Variants in TAMM41 observed in about 807,000 individuals in gnomAD.
The protein encoded by TAMM41 is phosphatidate cytidylyltransferase, mitochondrial.
Under a neutral mutation model 44.1 loss-of-function variants are expected in TAMM41, and 36 were observed. That is an observed-to-expected ratio of 0.82 (90% CI 0.63 to 1.08). The LOEUF (loss-of-function observed/expected upper bound fraction) is 1.08. Ranked by LOEUF, TAMM41 falls within the 50% of genes least tolerant of loss-of-function variation. TAMM41 has a pLI of 0.00. For synonymous variants in TAMM41, 164 were observed against 153.1 expected (o/e 1.07, Z -0.53); for missense variants, 417 against 404.3 (o/e 1.03, Z -0.27).
At chr3:11,835,119 T>C (rs1206716690) in intron 3 of TAMM41, among the ~76,000 whole-genome samples, 1 of 152,196 alleles carries the variant, frequency 6.6e-6, no homozygotes, top group Non-Finnish European at 1.5e-5. Flanking sequence ...AGATAAAGAA[T>C]TCATACTCAT....
At chr3:11,768,985 A>G in the TAMM41 span, among the ~76,000 whole-genome samples, 1 of 152,228 alleles carries the variant, frequency 6.6e-6, no homozygotes, top group Non-Finnish European at 1.5e-5. Flanking sequence ...GCCATCAGGC[A>G]CGGCCTGGTC....
the TAMM41 span, among the ~76,000 whole-genome samples, chr3:11,777,851 TAC>T: frequency 0.017 from 2,663 of 152,288 alleles, 76 homozygotes; most frequent in African/African-American, 0.061. Context: ...ACCGCCATCA[TAC>T]AGTTTTAGAA....
intron 3 of TAMM41, among the ~76,000 whole-genome samples, chr3:11,836,217 T>C (rs902280783): frequency 4.6e-5 from 7 of 151,988 alleles, no homozygotes; most frequent in African/African-American, 1.7e-4. Flanking sequence ...TCTCGAACTC[T>C]TGGCCTCAAG....
chr3:11,745,059 C>T, the TAMM41 span, among the ~76,000 whole-genome samples: 1 of 152,142 alleles, frequency 6.6e-6, no homozygotes, highest in South Asian at 2.1e-4. Flanking sequence ...GATGGGGTTG[C>T]ACCATGTTGG....
chr3:11,830,965 C>G (rs2078961858), intron 3 of TAMM41: 1 of 151,890 alleles, frequency 6.6e-6, no homozygotes, highest in African/African-American at 2.4e-5. Context: ...GAGATGTGTT[C>G]AAATGCCAAC....
the TAMM41 span, among the ~76,000 whole-genome samples, chr3:11,736,578 A>T: frequency 6.6e-6 from 1 of 152,188 alleles, no homozygotes; most frequent in Admixed American, 6.5e-5. Context: ...TGAAACAAAA[A>T]TACCAAGGAT....
chr3:11,753,876 C>T, the TAMM41 span, among the ~76,000 whole-genome samples: 190 of 152,152 alleles, frequency 1.2e-3, 1 homozygote, highest in African/African-American at 1.9e-3. Context: ...GGGCAAGGGG[C>T]GAGGAGGCCG....
intron 3 of TAMM41, among the ~76,000 whole-genome samples, chr3:11,838,581 T>C (rs1378094273): frequency 6.6e-6 from 1 of 152,138 alleles, no homozygotes. Context: ...AACCGCCAAA[T>C]GGAAGAAATG....
the TAMM41 span, among the ~76,000 whole-genome samples, chr3:11,781,344 C>CT: frequency 6.6e-6 from 1 of 152,166 alleles, no homozygotes; most frequent in Non-Finnish European, 1.5e-5. Flanking sequence ...TCTTCCTGAT[C>CT]TCAGAAATGC....
chr3:11,736,256 A>G, the TAMM41 span, among the ~76,000 whole-genome samples: 9 of 152,206 alleles, frequency 5.9e-5, no homozygotes, highest in African/African-American at 2.2e-4. Flanking sequence ...TTGCAGCCAC[A>G]TGTGCCCATG....
chr3:11,725,012 G>A, the TAMM41 span: 75,836 of 152,674 alleles, frequency 0.5, 19,236 homozygotes, highest in East Asian at 0.67. Context: ...TCATAGTTCA[G>A]ATTGCTCAGA....
At chr3:11,820,621 G>A (rs547581116) in intron 4 of TAMM41, among the ~76,000 whole-genome samples, 5 of 152,264 alleles carry the variant, frequency 3.3e-5, no homozygotes, top group South Asian at 4.1e-4. Flanking sequence ...AACCGCAGGG[G>A]ATAGGAAGCA....
intron 5 of TAMM41, among the ~76,000 whole-genome samples, chr3:11,814,278 C>T (rs1463902869): frequency 6.6e-6 from 1 of 151,790 alleles, no homozygotes; most frequent in Non-Finnish European, 1.5e-5. Context: ...TAAAAACAGA[C>T]AAGAGGAACT....
the TAMM41 span, among the ~76,000 whole-genome samples, chr3:11,723,596 C>CA: frequency 7.2e-6 from 1 of 138,050 alleles, no homozygotes. Flanking sequence ...AAAAAAAAAA[C>CA]AAAAACAAAA....
rs75084140 is a variant in TAMM41, at chr3:11,812,900, G to T, written c.709-3218C>A. ...TAGATGAGGGTGAAGGGAATCTGGAGGAGTAGCAGAGATGGGAGAAGATGA... is the reference window on the plus strand; with the variant it reads ...TAGATGAGGGTGAAGGGAATCTGGATGAGTAGCAGAGATGGGAGAAGATGA... On this transcript the variant is annotated intron_variant, in intron 5 of 7. Transcript: ENST00000455809. 7.2e-3 allele frequency among the ~76,000 whole-genome samples: 1,090 copies of T among 152,246 alleles called. 20 individuals are homozygous for T. The highest frequency in any genetic ancestry group is 0.024 in the African/African-American group (1,017 of 41,536).
the TAMM41 span, among the ~76,000 whole-genome samples, chr3:11,734,700 G>T: frequency 6.6e-6 from 1 of 152,052 alleles, no homozygotes; most frequent in Admixed American, 6.6e-5. Context: ...GCCTAATGAA[G>T]ACTGCATTCT....
intron 1 of TAMM41, among the ~76,000 whole-genome samples, chr3:11,846,064 C>A (rs1346178552): frequency 1.3e-5 from 2 of 152,262 alleles, no homozygotes; most frequent in Non-Finnish European, 2.9e-5. Context: ...GCATTAGAAT[C>A]ACCTGGGACG....
chr3:11,740,721 G>T, the TAMM41 span, among the ~76,000 whole-genome samples: 4 of 151,636 alleles, frequency 2.6e-5, no homozygotes, highest in Non-Finnish European at 4.4e-5. Context: ...GCCCGCCACC[G>T]CGCCCGGCTG....
At chr3:11,788,657 C>T (rs1182940676), downstream of TAMM41, among the ~76,000 whole-genome samples, 1 of 152,098 alleles carries the variant, frequency 6.6e-6, no homozygotes, top group African/African-American at 2.4e-5. Flanking sequence ...AATAATAGGC[C>T]AAGCACAGTG....
Sources: gnomAD v4.1 joint callset for allele counts (sites outside exome capture counted in the v4.1 genomes callset) on GRCh38, gnomAD v4.1.1 for gene constraint, MANE v1.5 for transcripts, NCBI Gene and HGNC (gene_info 2026-07-23, HGNC 2026-07-21) for gene names.